KLF8: variants seen among roughly 807,000 people sequenced by gnomAD.
KLF8 encodes the protein KLF transcription factor 8, also known as Krueppel-like factor 8.
KLF8 carries 10 observed loss-of-function variants against 18.2 expected under a neutral mutation model. The ratio of observed to expected loss-of-function variants is 0.55; its 90% confidence interval spans 0.34 to 0.93. The LOEUF (loss-of-function observed/expected upper bound fraction) is 0.93, where lower values mean the gene tolerates loss of function less well. Among genes scored for constraint, KLF8 ranks in the 40% least tolerant of loss-of-function variants. The pLI is 0.02. For missense variants in KLF8, 264 were observed against 277.9 expected, an observed-to-expected ratio of 0.95 and a Z score of 0.36; for synonymous variants, 109 against 97.3, an observed-to-expected ratio of 1.12 and a Z score of -0.71.
intron 2 of KLF8, among the ~76,000 whole-genome samples, chrX:56,258,634 A>T (rs1415166523): frequency 8.9e-6 from 1 of 112,522 alleles, no homozygotes; most frequent in Non-Finnish European, 1.9e-5. Flanking sequence ...ATGTTTTTCT[A>T]TGCATTCTTT....
At chrX:56,081,088 G>A in the KLF8 span, among the ~76,000 whole-genome samples, 4 of 111,159 alleles carry the variant, frequency 3.6e-5, no homozygotes, top group Admixed American at 2.9e-4. Flanking sequence ...TTTGCCTTTG[G>A]TTTGAATGTC....
chrX:55,981,141 C>T, the KLF8 span, among the ~76,000 whole-genome samples: 2 of 111,909 alleles, frequency 1.8e-5, no homozygotes, highest in Non-Finnish European at 3.8e-5. Flanking sequence ...TGCAGTGAGC[C>T]GAGATTGCAC....
chrX:56,063,010 C>G, the KLF8 span, among the ~76,000 whole-genome samples: 2 of 110,755 alleles, frequency 1.8e-5, no homozygotes, highest in African/African-American at 6.6e-5. Context: ...TTTTTCAGCT[C>G]CATCAGGTCA....
chrX:56,179,971 GC>G, the KLF8 span, among the ~76,000 whole-genome samples: 2 of 110,926 alleles, frequency 1.8e-5, no homozygotes, highest in African/African-American at 6.6e-5. Context: ...TTGTGTCTCT[GC>G]CAGGCTTTGG....
the KLF8 span, among the ~76,000 whole-genome samples, chrX:56,064,145 ATG>A: frequency 9.9e-6 from 1 of 100,888 alleles, no homozygotes; most frequent in Non-Finnish European, 1.9e-5. Context: ...ATACATATAT[ATG>A]TGTGTGTGTG....
At chrX:55,993,126 C>G in the KLF8 span, among the ~76,000 whole-genome samples, 1 of 111,153 alleles carries the variant, frequency 9.0e-6, no homozygotes, top group Admixed American at 9.6e-5. Context: ...TTAGCACTTT[C>G]AGTACTATGT....
At chrX:55,970,270 A>G in the KLF8 span, among the ~76,000 whole-genome samples, 1 of 111,478 alleles carries the variant, frequency 9.0e-6, no homozygotes, top group South Asian at 3.7e-4. Context: ...CTGTTTTAAC[A>G]TGTATAAATC....
At chrX:55,944,901 T>C in the KLF8 span, among the ~76,000 whole-genome samples, 1 of 111,359 alleles carries the variant, frequency 9.0e-6, no homozygotes, top group Admixed American at 9.6e-5. Flanking sequence ...CTTGCTTTTC[T>C]AGTTCTTTTA....
At chrX:56,261,358 A>C (rs1014842956) in intron 2 of KLF8, among the ~76,000 whole-genome samples, 11 of 111,653 alleles carry the variant, frequency 9.9e-5, no homozygotes, top group African/African-American at 3.6e-4. Flanking sequence ...AAAGTCTTAA[A>C]ATAGCAAATG....
chrX:56,105,809 G>C, the KLF8 span, among the ~76,000 whole-genome samples: 114 of 111,717 alleles, frequency 1.0e-3, no homozygotes, highest in Non-Finnish European at 1.5e-3. Context: ...TTTCTTCATA[G>C]CATCAATGGT....
the KLF8 span, among the ~76,000 whole-genome samples, chrX:56,065,760 T>C: frequency 1.1e-4 from 12 of 112,149 alleles, no homozygotes; most frequent in Non-Finnish European, 5.6e-5. Context: ...TTGGGTTTGA[T>C]TCTGGGTGTT....
At chrX:55,968,862 G>A in the KLF8 span, among the ~76,000 whole-genome samples, 1 of 111,654 alleles carries the variant, frequency 9.0e-6, no homozygotes, top group Non-Finnish European at 1.9e-5. Context: ...TGATACAGAA[G>A]GTCATTATGT....
the KLF8 span, among the ~76,000 whole-genome samples, chrX:56,105,035 T>C: frequency 2.7e-5 from 3 of 112,187 alleles, no homozygotes; most frequent in African/African-American, 9.7e-5. Context: ...TTGAGTGAGT[T>C]TCTTAATCCT....
the KLF8 span, among the ~76,000 whole-genome samples, chrX:56,080,304 G>A: frequency 1.8e-5 from 2 of 111,177 alleles, no homozygotes; most frequent in Non-Finnish European, 3.8e-5. Context: ...TCCTTTCCAT[G>A]TTTAGTGCTT....
At chrX:56,162,871 G>A in the KLF8 span, among the ~76,000 whole-genome samples, 2 of 111,571 alleles carry the variant, frequency 1.8e-5, no homozygotes, top group Non-Finnish European at 3.8e-5. Context: ...CACACTGGGG[G>A]CTGTAGTCTG....
the KLF8 span, among the ~76,000 whole-genome samples, chrX:56,057,753 C>T: frequency 4.5e-5 from 5 of 111,009 alleles, no homozygotes; most frequent in Non-Finnish European, 7.5e-5. Flanking sequence ...CTAGGGCTAA[C>T]GTCTCCTATG....
the KLF8 span, among the ~76,000 whole-genome samples, chrX:55,971,951 G>C: frequency 3.6e-5 from 4 of 110,662 alleles, no homozygotes; most frequent in South Asian, 7.7e-4. Context: ...CTTACACACT[G>C]TTGATGGGAA....
chrX:56,176,733 A>G, the KLF8 span, among the ~76,000 whole-genome samples: 14 of 111,498 alleles, frequency 1.3e-4, no homozygotes, highest in Non-Finnish European at 2.4e-4. Context: ...GTCACTTTCA[A>G]GTACACCAAT....
chrX:55,972,659 C>G, the KLF8 span, among the ~76,000 whole-genome samples: 1 of 111,016 alleles, frequency 9.0e-6, no homozygotes, highest in South Asian at 3.8e-4. Context: ...ATATATACAT[C>G]TGCTATGTAC....
Sources: gnomAD v4.1 joint callset for allele counts (sites outside exome capture counted in the v4.1 genomes callset) on GRCh38, gnomAD v4.1.1 for gene constraint, MANE v1.5 for transcripts, NCBI Gene and HGNC (gene_info 2026-07-23, HGNC 2026-07-21) for gene names.